Variants in GALNTL6 observed in about 807,000 individuals in gnomAD.
The protein encoded by GALNTL6 is polypeptide N-acetylgalactosaminyltransferase-like 6.
GALNTL6 carries 46 observed loss-of-function variants against 73.7 expected under a neutral mutation model. The ratio of observed to expected loss-of-function variants is 0.62; its 90% CI spans 0.49 to 0.80. GALNTL6 has a LOEUF of 0.80. GALNTL6 is among the 30% of genes least tolerant of loss of function. The pLI, the probability that GALNTL6 is intolerant of heterozygous loss-of-function variation, is 0.00. For missense variants in GALNTL6, 604 were observed against 755.0 expected (o/e 0.80, Z 2.34); for synonymous variants, 259 against 263.7 (o/e 0.98, Z 0.17).
chr4:172,476,375 C>A (rs775494036), intron 5 of GALNTL6, among the ~76,000 whole-genome samples: 2 of 152,142 alleles, frequency 1.3e-5, no homozygotes, highest in African/African-American at 4.8e-5. Context: ...CCCCACATCC[C>A]GATACCATCA....
intron 5 of GALNTL6, among the ~76,000 whole-genome samples, chr4:172,713,752 C>G (rs559027428): frequency 2.6e-4 from 39 of 152,260 alleles, no homozygotes; most frequent in Non-Finnish European, 4.9e-4. Context: ...GAACATGGTG[C>G]TCCTCAATAG....
intron 5 of GALNTL6, among the ~76,000 whole-genome samples, chr4:172,357,642 C>T (rs5019011): frequency 0.66 from 81,447 of 124,090 alleles, 24,720 homozygotes; most frequent in South Asian, 0.75. Context: ...TATACACACA[C>T]ACACACACAC....
chr4:172,090,171 G>A (rs907255862), intron 2 of GALNTL6, among the ~76,000 whole-genome samples: 1 of 152,148 alleles, frequency 6.6e-6, no homozygotes, highest in African/African-American at 2.4e-5. Flanking sequence ...ACGTGTGCAT[G>A]TGTCTTTATA....
At chr4:172,383,683 A>C (rs1743365901) in intron 5 of GALNTL6, among the ~76,000 whole-genome samples, 1 of 152,182 alleles carries the variant, frequency 6.6e-6, no homozygotes, top group Non-Finnish European at 1.5e-5. Context: ...TAAGATTGAA[A>C]GCATGTAGTC....
In GALNTL6 at chr4:171,851,977, T is replaced by C. The variant is rs997167743; in HGVS notation, c.138+37259T>C. Among the ~76,000 whole-genome samples the C allele has an allele frequency of 2.6e-5, 4 of 152,072 alleles. No homozygotes were observed. The East Asian group carries it at 7.7e-4, about 29-fold the overall frequency. On this transcript the variant is annotated intron_variant, in intron 2 of 12. Coordinates refer to ENST00000506823, the MANE Select transcript of GALNTL6 (RefSeq NM_001034845.3). Reference sequence around the variant, plus strand: ...AAGCACAGAGTTTCACTCAAAAGTATTTGCTTTGTTTTTCCAAGTAAATTC... The same window carrying C: ...AAGCACAGAGTTTCACTCAAAAGTACTTGCTTTGTTTTTCCAAGTAAATTC...
At chr4:172,126,211 A>C (rs950666160) in intron 2 of GALNTL6, among the ~76,000 whole-genome samples, 13 of 152,224 alleles carry the variant, frequency 8.5e-5, no homozygotes, top group Non-Finnish European at 1.5e-4. Context: ...TTAAGAAGTC[A>C]ATAACAAATG....
At chr4:172,617,773 G>C (rs28478040) in intron 5 of GALNTL6, among the ~76,000 whole-genome samples, 9 of 151,928 alleles carry the variant, frequency 5.9e-5, no homozygotes, top group Non-Finnish European at 1.2e-4. Context: ...GAGCCACCGT[G>C]CCCAGCCTTA....
rs75748304 is a variant in GALNTL6 at position 172,738,499 on chromosome 4, C to A, written c.554-70862C>A. 8.9e-3 allele frequency among the ~76,000 whole-genome samples: 1,349 copies of A among 152,240 alleles called. 24 individuals carry two copies. Among genetic ancestry groups the A allele is most frequent in the African/African-American group, 0.031 (1,297 of 41,538 alleles). ...AATATATTTTTTTAATAATCTACTT[C>A]CCCTATACTCTACTCAAAAGGTATG... On this transcript the variant is annotated intron_variant, in intron 5 of 12. Coordinates refer to ENST00000506823, the MANE Select transcript of GALNTL6 (RefSeq NM_001034845.3).
At chr4:172,421,829 G>A (rs576554220) in intron 5 of GALNTL6, among the ~76,000 whole-genome samples, 1 of 151,906 alleles carries the variant, frequency 6.6e-6, no homozygotes, top group African/African-American at 2.4e-5. Context: ...CTGAATATTT[G>A]CCCCCAGACA....
chr4:172,413,065 TC>T (rs1191610363), intron 5 of GALNTL6, among the ~76,000 whole-genome samples: 1 of 152,138 alleles, frequency 6.6e-6, no homozygotes, highest in African/African-American at 2.4e-5. Flanking sequence ...CTCAGAAGAC[TC>T]CCACTTAGTT....
chr4:172,265,547 G>T (rs1738422053), intron 3 of GALNTL6, among the ~76,000 whole-genome samples: 1 of 151,966 alleles, frequency 6.6e-6, no homozygotes, highest in Non-Finnish European at 1.5e-5. Context: ...AGGTTCTCTT[G>T]GTTCACTCAA....
chr4:172,430,415 G>T lies in GALNTL6; in HGVS notation c.553+81726G>T, dbSNP rs1277982346. Among the ~76,000 whole-genome samples the T allele has an allele frequency of 7.9e-5, 12 of 152,128 alleles. No homozygotes were observed. The East Asian group carries it at 2.3e-3, about 29-fold the overall frequency. On this transcript the variant is annotated intron_variant, in intron 5 of 12. Coordinates refer to ENST00000506823, the MANE Select transcript of GALNTL6 (RefSeq NM_001034845.3). ...GAATCCCAAAATCGAATTATAGAAA[G>T]CGTATCTCTAAATTTCAGAGAAGAA...
Position 171,988,850 on chromosome 4 carries a change from A to G in GALNTL6, c.138+174132A>G, listed in dbSNP as rs560691461. 2.4e-3 allele frequency among the ~76,000 whole-genome samples: 364 copies of G among 152,076 alleles called. 2 individuals are homozygous for G. The highest frequency in any genetic ancestry group is 7.5e-3 in the African/African-American group (312 of 41,488). Reference sequence around the variant, plus strand: ...GGGCATGATCGGTCGCTAAGGAGGGAGTAGAGGTGTCTTATACTTGTGGCT... The same window carrying G: ...GGGCATGATCGGTCGCTAAGGAGGGGGTAGAGGTGTCTTATACTTGTGGCT... On this transcript the variant is annotated intron_variant, in intron 2 of 12. Coordinates refer to ENST00000506823, the MANE Select transcript of GALNTL6 (RefSeq NM_001034845.3).
At chr4:172,458,084 C>A (rs541006732) in intron 5 of GALNTL6, among the ~76,000 whole-genome samples, 25 of 152,144 alleles carry the variant, frequency 1.6e-4, no homozygotes, top group South Asian at 1.0e-3. Context: ...AACCACACAA[C>A]CACATGGAAA....
chr4:171,956,728 C>A (rs1442606473), intron 2 of GALNTL6, among the ~76,000 whole-genome samples: 2 of 152,194 alleles, frequency 1.3e-5, no homozygotes, highest in South Asian at 2.1e-4. Flanking sequence ...ATTGTTGTTT[C>A]TCTCAAATGC....
chr4:172,849,928 C>T (rs575154379), intron 7 of GALNTL6, among the ~76,000 whole-genome samples: 1 of 152,150 alleles, frequency 6.6e-6, no homozygotes, highest in Non-Finnish European at 1.5e-5. Context: ...ATCTTTAACA[C>T]TTGGCAAAAA....
chr4:172,007,353 T>G (rs12507893), intron 2 of GALNTL6, among the ~76,000 whole-genome samples: 142,286 of 152,058 alleles, frequency 0.94, 66,866 homozygotes, highest in East Asian at 1. Context: ...GAACTATAGC[T>G]GACATATGGA....
rs537359842 is a variant in GALNTL6, at chr4:172,641,991, TA to T, written c.554-167368del. 1.2e-4 allele frequency among the ~76,000 whole-genome samples: 18 copies of T among 152,168 alleles called. No individual in the cohort carries two copies. The South Asian group carries it at 3.7e-3, about 32-fold the overall frequency. Reference sequence around the variant, plus strand: ...TATATGAAAGAGTGCTCAACAACACTAATCATCAGGGAAATGAAAATTAAAA... The same window carrying T: ...TATATGAAAGAGTGCTCAACAACACTATCATCAGGGAAATGAAAATTAAAA... On this transcript the variant is annotated intron_variant, in intron 5 of 12. Coordinates refer to ENST00000506823, the MANE Select transcript of GALNTL6 (RefSeq NM_001034845.3).
At chr4:172,398,518 TAAGACTAGCTTTGC>T (rs1743927633) in intron 5 of GALNTL6, among the ~76,000 whole-genome samples, 2 of 152,182 alleles carry the variant, frequency 1.3e-5, no homozygotes, top group Admixed American at 1.3e-4. Flanking sequence ...CTTTTCAAAA[TAAGACTAGCTTTGC>T]AATCGTTTAT....
Sources: allele counts gnomAD v4.1 joint callset (sites outside exome capture counted in the v4.1 genomes callset), GRCh38; gene constraint gnomAD v4.1.1; transcripts MANE v1.5; gene names NCBI Gene and HGNC (gene_info 2026-07-23, HGNC 2026-07-21).